The following BRPF1 variants were observed in gnomAD, a reference collection of about 807,000 sequenced individuals.
BRPF1 encodes peregrin.
In BRPF1, 15 loss-of-function variants were observed where a neutral mutation model predicts 115.0. The ratio of observed to expected loss-of-function variants is 0.13; its 90% CI spans 0.09 to 0.20. BRPF1 has a LOEUF of 0.20. BRPF1 is among the 10% of genes least tolerant of loss of function. BRPF1 has a pLI of 1.00. For synonymous variants in BRPF1, 647 were observed against 619.8 expected, an observed-to-expected ratio of 1.04 and a Z score of -0.65; for missense variants, 1,118 against 1,638.3, an observed-to-expected ratio of 0.68 and a Z score of 5.48.
chr3:9,736,673 G>C (rs1309378074), intron 2 of BRPF1, among the ~76,000 whole-genome samples: 1 of 152,242 alleles, frequency 6.6e-6, no homozygotes, highest in Non-Finnish European at 1.5e-5. Context: ...CTTCAGGGGA[G>C]CAGTTCTCAG....
At chr3:9,744,935 C>T in intron 9 of BRPF1, 73 bp from the exon 10 acceptor site, 1 of 1,601,298 alleles carries the variant, frequency 6.2e-7, no homozygotes, top group Admixed American at 1.7e-5. Context: ...CCAAGTCCCT[C>T]TTACCTCCAT....
rs756979672 is a variant in BRPF1 at position 9,747,317 on chromosome 3, G to A, written c.3631G>A (p.Glu1211Lys). Residue 1211 changes from glutamate to lysine, a missense_variant, in exon 14 of 14, where the codon GAG becomes AAG. Physicochemically the swap from Glu to Lys is moderately conservative, Grantham distance 56. Coordinates refer to ENST00000383829, the MANE Select transcript of BRPF1 (RefSeq NM_001003694.2). The surrounding 1 kb of genome is among the most constrained non-coding windows in gnomAD (Gnocchi z 5.6). Reference protein sequence around the residue: ...ALQHRSKVQGEQSSETSDSD With the variant: ...ALQHRSKVQGKQSSETSDSD ...GCAGCACCGCAGCAAGGTGCAAGGC[G>A]AGCAGAGCAGTGAGACCAGCGATAG... The A allele has an allele frequency of 3.7e-6, 6 of 1,614,050 alleles. No homozygotes were observed. Among genetic ancestry groups the A allele is most frequent in the South Asian group, 1.1e-5 (1 of 91,076 alleles).
chr3:9,746,925 T>C (rs992124475), intron 13 of BRPF1, among the ~76,000 whole-genome samples: 2 of 152,036 alleles, frequency 1.3e-5, no homozygotes, highest in African/African-American at 4.8e-5. Flanking sequence ...TCTGGTGAGG[T>C]CAGGGTGCCT....
chr3:9,745,101 C>T lies in BRPF1; in HGVS notation c.3014C>T (p.Ser1005Leu). The T allele has an allele frequency of 6.2e-7, 1 of 1,614,246 alleles. No homozygotes were observed. The highest frequency in any genetic ancestry group is 8.5e-7 in the Non-Finnish European group (1 of 1,180,050). Reference protein sequence around the residue: ...RNDCSLPRSSSDSESSSSSSS... With the variant: ...RNDCSLPRSSLDSESSSSSSS... ...GACTGCAGCCTTCCCCGGAGCAGCTCAGACTCTGAGTCCAGCAGCAGTAGC... is the reference window on the plus strand; with the variant it reads ...GACTGCAGCCTTCCCCGGAGCAGCTTAGACTCTGAGTCCAGCAGCAGTAGC... The change falls in exon 10 of 14, where the codon TCA becomes TTA. Residue 1005 changes from serine to leucine, a missense_variant. This residue lies in a region of BRPF1 where 15 missense variants were observed against 43.7 expected (regional missense o/e 0.34). Coordinates refer to ENST00000383829, the MANE Select transcript of BRPF1 (RefSeq NM_001003694.2). This position sits in a 1 kb window ranked among gnomAD's most constrained non-coding sequence, Gnocchi z 5.1.
chr3:9,746,006 C>G, intron 12 of BRPF1, 76 bp downstream of exon 12: 2 of 1,484,042 alleles, frequency 1.3e-6, no homozygotes, highest in East Asian at 2.3e-5. Context: ...TTTTCCTACT[C>G]CCTGCTGAGC....
At chr3:9,740,573 T>C (rs1457354642) in intron 3 of BRPF1, among the ~76,000 whole-genome samples, 4 of 152,160 alleles carry the variant, frequency 2.6e-5, no homozygotes, top group Non-Finnish European at 1.5e-5. Flanking sequence ...TCTGGTTTAG[T>C]GCTGGGAGCT....
Position 9,740,836 on chromosome 3 carries a change from G to A in BRPF1, c.1617G>A (p.Arg539=), listed in dbSNP as rs764384206. The change falls in exon 4 of 14, where the codon AGG becomes AGA. Residue 539 remains arginine, a synonymous_variant. Transcript: ENST00000383829. The part of the protein sequence containing the change: ...TIQRKSQFMQ[R]LHSYWTLKRQ... The stretch of plus-strand genomic sequence containing the variant: ...AAAGGAAGAGCCAGTTCATGCAGAG[G>A]CTGCACAGCTACTGGACACTGAAGC... 2.0e-5 allele frequency: 32 copies of A among 1,614,024 alleles called. No individual in the cohort carries two copies. The East Asian group carries it at 2.0e-4, about 10-fold the overall frequency.
rs1280095506 is a variant in BRPF1 at position 9,741,383 on chromosome 3, C to T, written c.1798C>T (p.Arg600Ter). The change falls in exon 5 of 14, where the codon CGA (arginine) becomes TGA (stop). Residue 600 changes from arginine (R) to a stop codon, truncating the protein, a stop_gained. Transcript: ENST00000383829. LOFTEE classifies it high-confidence loss of function. Reference sequence around the variant, plus strand: ...GCAGCGGCTCCGGCATGACTTGGAGCGAGCTCGGCTGCTCGTGGAATTGAT... The same window carrying T: ...GCAGCGGCTCCGGCATGACTTGGAGTGAGCTCGGCTGCTCGTGGAATTGAT... Reference protein sequence around the residue: ...SWQRLRHDLERARLLVELIRK... With the variant: ...SWQRLRHDLE 6.2e-7 allele frequency: 1 copy of T among 1,608,922 alleles called. No homozygotes were observed. The highest frequency in any genetic ancestry group is 1.7e-5 in the Admixed American group (1 of 59,806).
Position 9,747,440 on chromosome 3 carries a change from A to T in BRPF1, c.*91A>T. ...TGGAGTGGCACCGGCCTCTGCACTGACTCATTTCTGGTCTTGGGGCCAGTC... is the reference window on the plus strand; with the variant it reads ...TGGAGTGGCACCGGCCTCTGCACTGTCTCATTTCTGGTCTTGGGGCCAGTC... On this transcript the variant is annotated 3_prime_UTR_variant, in exon 14 of 14. Transcript: ENST00000383829. This position sits in a 1 kb window ranked among gnomAD's most constrained non-coding sequence, Gnocchi z 5.6. The T allele has an allele frequency of 6.7e-7, 1 of 1,486,788 alleles. No homozygotes were observed. The highest frequency in any genetic ancestry group is 1.3e-5 in the South Asian group (1 of 79,046). 92.1% of individuals were successfully genotyped at this position (1,486,788 alleles called of 1,614,324 possible).
Position 9,743,642 on chromosome 3 carries a change from A to G in BRPF1, c.2376A>G (p.Leu792=). ...NQKHLPVEEQ[L]KLLLERLDEV... ...AGCACCTGCCAGTGGAAGAACAGCTAAAGCTGCTTCTGGAGCGGCTGGACG... is the reference window on the plus strand; with the variant it reads ...AGCACCTGCCAGTGGAAGAACAGCTGAAGCTGCTTCTGGAGCGGCTGGACG... The change falls in exon 8 of 14, where the codon CTA becomes CTG. Residue 792 remains leucine (L), a synonymous_variant. Transcript: ENST00000383829. This position sits in a 1 kb window ranked among gnomAD's most constrained non-coding sequence, Gnocchi z 6.1. The G allele has an allele frequency of 6.2e-7, 1 of 1,614,066 alleles. No individual in the cohort carries two copies.
chr3:9,746,294 C>A lies in BRPF1; in HGVS notation c.3325-6C>A. ...GAACCAAACTGGGCTCTTATTATATCCTCAGATCATTGATCCAAAGATGCC... is the reference window on the plus strand; with the variant it reads ...GAACCAAACTGGGCTCTTATTATATACTCAGATCATTGATCCAAAGATGCC... On this transcript the variant is annotated splice_region_variant and splice_polypyrimidine_tract_variant and intron_variant, in intron 12 of 13. Coordinates refer to ENST00000383829, the MANE Select transcript of BRPF1 (RefSeq NM_001003694.2). 6.4e-7 allele frequency: 1 copy of A among 1,551,258 alleles called. No homozygotes were observed. Among genetic ancestry groups the A allele is most frequent in the South Asian group, 1.2e-5 (1 of 83,694 alleles).
Position 9,734,135 on chromosome 3 carries a change from G to A in BRPF1, c.-6G>A. The A allele has an allele frequency of 6.3e-7, 1 of 1,594,592 alleles. No homozygotes were observed. Among genetic ancestry groups the A allele is most frequent in the Non-Finnish European group, 8.6e-7 (1 of 1,168,884 alleles). On this transcript the variant is annotated 5_prime_UTR_variant, in exon 2 of 14. It removes the in-frame stop codon of an upstream open reading frame in the 5' UTR. Transcript: ENST00000383829. The surrounding 1 kb of genome is among the most constrained non-coding windows in gnomAD (Gnocchi z 5.7). ...TAACTGATCTGTGTATTCTAGATGTGACAGCATGGGGGTGGACTTTGATGT... is the reference window on the plus strand; with the variant it reads ...TAACTGATCTGTGTATTCTAGATGTAACAGCATGGGGGTGGACTTTGATGT...
chr3:9,741,791 C>T (rs972295956), intron 5 of BRPF1, among the ~76,000 whole-genome samples: 1 of 151,642 alleles, frequency 6.6e-6, no homozygotes, highest in South Asian at 2.1e-4. Context: ...TGAACAGAAT[C>T]CTCAGTTATG....
At chr3:9,738,276 A>G (rs572613755) in intron 2 of BRPF1, among the ~76,000 whole-genome samples, 1 of 152,316 alleles carries the variant, frequency 6.6e-6, no homozygotes, top group South Asian at 2.1e-4. Flanking sequence ...TAACTTCTCA[A>G]AGCTTAAGTT....
At chr3:9,746,515 G>A in intron 13 of BRPF1, 61 bp downstream of exon 13, 1 of 1,445,434 alleles carries the variant, frequency 6.9e-7, no homozygotes, top group Non-Finnish European at 9.2e-7. Context: ...GTGGTATGGG[G>A]GCAGACTGCC....
intron 8 of BRPF1, 138 bp from the exon 9 acceptor site, chr3:9,744,086 C>G (rs994902534): frequency 6.8e-6 from 9 of 1,316,356 alleles, no homozygotes; most frequent in Non-Finnish European, 9.4e-6. Context: ...GTTAATCTTC[C>G]AAATTCCAAG....
intron 2 of BRPF1, 66 bp from the exon 3 acceptor site, chr3:9,738,933 G>T: frequency 1.4e-6 from 2 of 1,470,634 alleles, no homozygotes; most frequent in South Asian, 2.8e-5. Context: ...AATGGCAAAT[G>T]ACCCATCATC....
intron 2 of BRPF1, among the ~76,000 whole-genome samples, chr3:9,737,791 G>C (rs1559657737): frequency 6.6e-6 from 1 of 152,182 alleles, no homozygotes; most frequent in Non-Finnish European, 1.5e-5. Flanking sequence ...GGGCCTGCTG[G>C]GGGTTGCTGG....
At chr3:9,736,414 C>T (rs1341776160) in intron 2 of BRPF1, among the ~76,000 whole-genome samples, 1 of 152,178 alleles carries the variant, frequency 6.6e-6, no homozygotes, top group Admixed American at 6.5e-5. Context: ...CTCTCCCATT[C>T]TTTCATCTTT....
Sources: gnomAD v4.1 joint callset for allele counts (sites outside exome capture counted in the v4.1 genomes callset) on GRCh38, gnomAD v4.1.1 for gene constraint, gnomAD v4.1.1 regional missense constraint, Gnocchi (gnomAD v3.1) non-coding constraint, MANE v1.5 for transcripts, NCBI Gene and HGNC (gene_info 2026-07-23, HGNC 2026-07-21) for gene names.